Variants in DPP10 observed in about 807,000 individuals in gnomAD.
The protein encoded by DPP10 is inactive dipeptidyl peptidase 10.
In DPP10, 33 loss-of-function variants were observed where a neutral mutation model predicts 120.9. That is an observed-to-expected ratio of 0.27 (90% CI 0.21 to 0.37). The LOEUF (loss-of-function observed/expected upper bound fraction) is 0.37, where lower values mean the gene tolerates loss of function less well. Among genes scored for constraint, DPP10 ranks in the 10% least tolerant of loss-of-function variants. DPP10 has a pLI of 1.00. For missense variants in DPP10, 816 were observed against 942.8 expected (o/e 0.87, Z 1.76); for synonymous variants, 337 against 326.1 (o/e 1.03, Z -0.36).
chr2:115,656,153 CACACACACACACACACAT>C (rs2088312005), intron 5 of DPP10, among the ~76,000 whole-genome samples: 1 of 151,186 alleles, frequency 6.6e-6, no homozygotes, highest in African/African-American at 2.4e-5. Context: ...CACACACACA[CACACACACACACACACAT>C]TTATTACCTT....
intron 2 of DPP10, 149 bp downstream of exon 2, chr2:115,309,502 G>T (rs2061495517): frequency 1.6e-6 from 1 of 636,498 alleles, no homozygotes; most frequent in Non-Finnish European, 2.6e-6. Context: ...CAGACATTTT[G>T]CAAATGGCAC....
intron 21 of DPP10, among the ~76,000 whole-genome samples, chr2:115,821,865 T>G (rs1687852775): frequency 6.6e-6 from 1 of 152,066 alleles, no homozygotes; most frequent in African/African-American, 2.4e-5. Context: ...AACATATATT[T>G]TCATATTTAT....
At chr2:114,670,447 G>A (rs988409720) in intron 1 of DPP10, among the ~76,000 whole-genome samples, 5 of 151,590 alleles carry the variant, frequency 3.3e-5, no homozygotes, top group African/African-American at 9.7e-5. Context: ...ACCAAACACC[G>A]CATGTTCTCA....
intron 3 of DPP10, among the ~76,000 whole-genome samples, chr2:115,379,102 G>T (rs1430815988): frequency 6.6e-6 from 1 of 152,104 alleles, no homozygotes; most frequent in African/African-American, 2.4e-5. Flanking sequence ...TTTTTCTATT[G>T]ATTGGAATAG....
chr2:115,801,367 C>A (rs199640741), intron 19 of DPP10, among the ~76,000 whole-genome samples: 1 of 152,280 alleles, frequency 6.6e-6, no homozygotes, highest in South Asian at 2.1e-4. Flanking sequence ...AATATATAAT[C>A]ATGTCATCTG....
intron 1 of DPP10, among the ~76,000 whole-genome samples, chr2:114,501,880 C>T (rs1683212775): frequency 6.7e-6 from 1 of 150,334 alleles, no homozygotes; most frequent in Non-Finnish European, 1.5e-5. Flanking sequence ...TCTGGTCAAA[C>T]ACCATTAAAG....
intron 1 of DPP10, among the ~76,000 whole-genome samples, chr2:115,298,738 A>AT (rs1285193496): frequency 6.6e-6 from 1 of 152,004 alleles, no homozygotes; most frequent in Non-Finnish European, 1.5e-5. Context: ...GGCCCTGGAG[A>AT]TTCAGAAGGG....
At chr2:115,042,008 C>CTTTTTTTTTTTTTTTTT (rs5833573) in intron 1 of DPP10, among the ~76,000 whole-genome samples, 14 of 80,296 alleles carry the variant, frequency 1.7e-4, no homozygotes, top group African/African-American at 2.3e-4. Context: ...TCTATCTTAT[C>CTTTTTTTTTTTTTTTTT]TTTTTTTTTT....
At chr2:115,780,112 A>T (rs147863856) in intron 15 of DPP10, among the ~76,000 whole-genome samples, 1 of 151,946 alleles carries the variant, frequency 6.6e-6, no homozygotes, top group Non-Finnish European at 1.5e-5. Flanking sequence ...AGGTATTCTC[A>T]ACAGTGTTTT....
intron 13 of DPP10, among the ~76,000 whole-genome samples, chr2:115,770,254 A>G (rs1239628204): frequency 6.6e-6 from 1 of 152,076 alleles, no homozygotes; most frequent in Non-Finnish European, 1.5e-5. Context: ...CACCCAAACC[A>G]AGAATTTTTT....
At chr2:114,471,079 A>G (rs1166612995) in intron 1 of DPP10, among the ~76,000 whole-genome samples, 2 of 152,222 alleles carry the variant, frequency 1.3e-5, no homozygotes, top group Non-Finnish European at 2.9e-5. Context: ...ATGACAACTA[A>G]AATCTATATT....
intron 4 of DPP10, among the ~76,000 whole-genome samples, chr2:115,504,949 C>A (rs1162921056): frequency 6.6e-6 from 1 of 152,110 alleles, no homozygotes; most frequent in Non-Finnish European, 1.5e-5. Flanking sequence ...GATTACCCTG[C>A]AGTTTCAAAC....
chr2:114,900,831 A>G (rs1433056803), intron 1 of DPP10, among the ~76,000 whole-genome samples: 3 of 152,222 alleles, frequency 2.0e-5, no homozygotes, highest in South Asian at 2.1e-4. Context: ...CTTTGCAGCT[A>G]AATAGCTTTA....
rs977978523 is a variant in DPP10, at chr2:115,269,209, T to A, written c.61-40030T>A. On this transcript the variant is annotated intron_variant, in intron 1 of 25. Coordinates refer to ENST00000410059, the MANE Select transcript of DPP10 (RefSeq NM_020868.6). ...TTATTTGGGATAAAGCATTAACTGG[T>A]TTAAAGCTCAAGATTTTAAACAACT... 3.9e-5 allele frequency among the ~76,000 whole-genome samples: 6 copies of A among 152,044 alleles called. No homozygotes were observed. In the South Asian group the frequency reaches 1.2e-3, roughly 32 times the overall value.
At chr2:114,741,061 T>C (rs1420973268) in intron 1 of DPP10, among the ~76,000 whole-genome samples, 3 of 152,222 alleles carry the variant, frequency 2.0e-5, no homozygotes, top group Non-Finnish European at 4.4e-5. Flanking sequence ...AAAATAATTT[T>C]ACAAGGTAAT....
chr2:115,031,709 TA>T (rs1051318518), intron 1 of DPP10, among the ~76,000 whole-genome samples: 5 of 152,292 alleles, frequency 3.3e-5, no homozygotes, highest in South Asian at 4.1e-4. Context: ...AATTTTTTTT[TA>T]AAATAATGTG....
intron 2 of DPP10, among the ~76,000 whole-genome samples, chr2:115,318,881 T>G (rs571260849): frequency 3.9e-5 from 6 of 152,136 alleles, no homozygotes; most frequent in African/African-American, 1.4e-4. Flanking sequence ...TACTTCTTCA[T>G]GTCCAAATTG....
At chr2:114,486,233 T>C (rs1681510829) in intron 1 of DPP10, among the ~76,000 whole-genome samples, 2 of 152,114 alleles carry the variant, frequency 1.3e-5, no homozygotes, top group African/African-American at 2.4e-5. Context: ...TGATACAGCA[T>C]GGTATTGTAC....
intron 4 of DPP10, among the ~76,000 whole-genome samples, chr2:115,521,561 A>G (rs188649639): frequency 6.6e-6 from 1 of 151,290 alleles, no homozygotes; most frequent in East Asian, 1.9e-4. Flanking sequence ...ACCTGGAGTT[A>G]TTCTGTATAC....
Sources: allele counts gnomAD v4.1 joint callset (sites outside exome capture counted in the v4.1 genomes callset), GRCh38; gene constraint gnomAD v4.1.1; transcripts MANE v1.5; gene names NCBI Gene and HGNC (gene_info 2026-07-23, HGNC 2026-07-21).